Variants in GPC5 observed in about 807,000 individuals in gnomAD.
GPC5 encodes the protein glypican 5.
Under a neutral mutation model 53.9 loss-of-function variants are expected in GPC5, and 47 were observed. The observed-to-expected ratio is 0.87, with a 90% confidence interval of 0.69 to 1.11. The LOEUF (loss-of-function observed/expected upper bound fraction) is 1.11, where lower values mean the gene tolerates loss of function less well. Among genes scored for constraint, GPC5 ranks in the 50% most tolerant of loss-of-function variants. The pLI is 0.00. For synonymous variants in GPC5, 286 were observed against 263.3 expected, an observed-to-expected ratio of 1.09 and a Z score of -0.84; for missense variants, 748 against 713.1, an observed-to-expected ratio of 1.05 and a Z score of -0.56.
At chr13:92,055,000 T>C (rs1310293631) in intron 6 of GPC5, among the ~76,000 whole-genome samples, 2 of 152,210 alleles carry the variant, frequency 1.3e-5, no homozygotes, top group East Asian at 3.8e-4. Flanking sequence ...ATCACAATTT[T>C]ATGAATAGGA....
chr13:92,324,797 A>G (rs1211979552), intron 7 of GPC5, among the ~76,000 whole-genome samples: 1 of 151,950 alleles, frequency 6.6e-6, no homozygotes, highest in Non-Finnish European at 1.5e-5. Flanking sequence ...CAGTGATTTT[A>G]GAAATCTGAA....
chr13:91,854,206 T>C lies in GPC5; in HGVS notation c.1281-53731T>C, dbSNP rs534956419. On this transcript the variant is annotated intron_variant, in intron 5 of 7. Transcript: ENST00000377067. ...GTAATCAGAACAATACATTTTAGCATTTGCAGAACAAATAAAGATATTGAA... is the reference window on the plus strand; with the variant it reads ...GTAATCAGAACAATACATTTTAGCACTTGCAGAACAAATAAAGATATTGAA... Among the ~76,000 whole-genome samples the C allele has an allele frequency of 1.3e-4, 20 of 151,964 alleles. No homozygotes were observed. In the East Asian group the frequency reaches 3.7e-3, roughly 28 times the overall value.
chr13:92,215,039 C>A (rs540176424), intron 7 of GPC5, among the ~76,000 whole-genome samples: 9 of 152,212 alleles, frequency 5.9e-5, no homozygotes, highest in Non-Finnish European at 1.3e-4. Flanking sequence ...ATTCAAACTT[C>A]TGACCTCTGG....
chr13:92,662,457 A>G (rs1886381022), intron 7 of GPC5, among the ~76,000 whole-genome samples: 1 of 42,344 alleles, frequency 2.4e-5, no homozygotes, highest in South Asian at 6.9e-4. Flanking sequence ...TACTCAATTT[A>G]TCAAGTTGAG....
At position 91,681,031 on chromosome 13, in the gene GPC5, C is replaced by CTA. The variant is rs925185727; in HGVS notation, c.326-12146_326-12145dup. On this transcript the variant is annotated intron_variant, in intron 2 of 7. Coordinates refer to ENST00000377067, the MANE Select transcript of GPC5 (RefSeq NM_004466.6). ...TAATACATACGAATAATATGTATTT[C>CTA]TATATATATATGTGTGTAGCCCACC... Among the ~76,000 whole-genome samples the CTA allele has an allele frequency of 1.5e-3, 234 of 151,634 alleles. 1 individual carries two copies. Among genetic ancestry groups the CTA allele is most frequent in the African/African-American group, 5.3e-3 (221 of 41,348 alleles).
intron 5 of GPC5, among the ~76,000 whole-genome samples, chr13:91,903,345 C>T (rs1377977218): frequency 6.6e-6 from 1 of 151,992 alleles, no homozygotes; most frequent in Non-Finnish European, 1.5e-5. Flanking sequence ...TTGAAAGGTG[C>T]TTCTCTGAGC....
At chr13:91,903,864 A>C (rs2039524132) in intron 5 of GPC5, among the ~76,000 whole-genome samples, 2 of 152,094 alleles carry the variant, frequency 1.3e-5, no homozygotes, top group African/African-American at 4.8e-5. Context: ...AACATGAAAC[A>C]ACATTCCTGC....
rs1003985898 is a variant in GPC5 at position 91,489,018 on chromosome 13, G to A, written c.325+40096G>A. On this transcript the variant is annotated intron_variant, in intron 2 of 7. Coordinates refer to ENST00000377067, the MANE Select transcript of GPC5 (RefSeq NM_004466.6). ...GTAGCACTCCCAGGCTTATTAGGCC[G>A]AGGAAATTCCCACCTAATAAATTTT... Among the ~76,000 whole-genome samples, 11 of 152,294 alleles carry A rather than the reference G, an allele frequency of 7.2e-5. No individual in the cohort carries two copies. In the East Asian group the frequency reaches 7.7e-4, roughly 11 times the overall value.
intron 7 of GPC5, among the ~76,000 whole-genome samples, chr13:92,842,176 A>G (rs1398197253): frequency 6.6e-6 from 1 of 152,154 alleles, no homozygotes; most frequent in Non-Finnish European, 1.5e-5. Context: ...TGTATGTGAT[A>G]GGTCCAGTAC....
At chr13:92,388,632 A>G (rs1490288918) in intron 7 of GPC5, among the ~76,000 whole-genome samples, 4 of 152,160 alleles carry the variant, frequency 2.6e-5, no homozygotes, top group Non-Finnish European at 4.4e-5. Flanking sequence ...GTAAGATGAT[A>G]CAGTAGGAAA....
At chr13:92,369,758 C>G (rs1466450527) in intron 7 of GPC5, among the ~76,000 whole-genome samples, 2 of 152,148 alleles carry the variant, frequency 1.3e-5, no homozygotes, top group Non-Finnish European at 2.9e-5. Context: ...CTTTCCTTAC[C>G]TTTGCCTGTG....
At chr13:92,412,745 C>T (rs1456603718) in intron 7 of GPC5, among the ~76,000 whole-genome samples, 3 of 152,198 alleles carry the variant, frequency 2.0e-5, no homozygotes, top group African/African-American at 7.2e-5. Flanking sequence ...ACAAGTTTGC[C>T]AACCCCTGAG....
At chr13:92,561,148 G>A (rs1882682750) in intron 7 of GPC5, among the ~76,000 whole-genome samples, 1 of 151,858 alleles carries the variant, frequency 6.6e-6, no homozygotes, top group South Asian at 2.1e-4. Context: ...AAGTAATAGT[G>A]TAACATAATA....
chr13:92,243,417 A>T (rs1455153357), intron 7 of GPC5, among the ~76,000 whole-genome samples: 1 of 152,182 alleles, frequency 6.6e-6, no homozygotes, highest in African/African-American at 2.4e-5. Flanking sequence ...TAGAAATAAC[A>T]GGACCAATTG....
intron 7 of GPC5, among the ~76,000 whole-genome samples, chr13:92,519,464 A>G (rs1880939730): frequency 6.6e-6 from 1 of 152,242 alleles, no homozygotes; most frequent in East Asian, 1.9e-4. Context: ...AGAACTCAGG[A>G]TTAAGAAACT....
At chr13:91,948,060 C>G (rs1051391728) in intron 6 of GPC5, among the ~76,000 whole-genome samples, 2 of 151,908 alleles carry the variant, frequency 1.3e-5, no homozygotes, top group East Asian at 1.9e-4. Flanking sequence ...AACCCCGTCT[C>G]TACTAAAAAT....
At chr13:92,826,282 A>T (rs566931098) in intron 7 of GPC5, among the ~76,000 whole-genome samples, 1 of 152,282 alleles carries the variant, frequency 6.6e-6, no homozygotes, top group South Asian at 2.1e-4. Flanking sequence ...AATGCCCTCC[A>T]AAGAGGAACG....
chr13:92,451,584 A>G (rs991987815), intron 7 of GPC5, among the ~76,000 whole-genome samples: 1 of 152,222 alleles, frequency 6.6e-6, no homozygotes, highest in Non-Finnish European at 1.5e-5. Flanking sequence ...CATAAGGAAT[A>G]TGTATCCTAA....
chr13:91,490,765 G>A (rs1056157218), intron 2 of GPC5, among the ~76,000 whole-genome samples: 2 of 152,126 alleles, frequency 1.3e-5, no homozygotes, highest in Non-Finnish European at 2.9e-5. Context: ...ACTTCACTCA[G>A]GGAAAATAGT....
Sources: gnomAD v4.1 joint callset for allele counts (sites outside exome capture counted in the v4.1 genomes callset) on GRCh38, gnomAD v4.1.1 for gene constraint, MANE v1.5 for transcripts, NCBI Gene and HGNC (gene_info 2026-07-23, HGNC 2026-07-21) for gene names.